The following PCDHGB3 variants were observed in gnomAD, a reference collection of about 807,000 sequenced individuals.
PCDHGB3 encodes the protein protocadherin gamma-B3.
In PCDHGB3, 40 loss-of-function variants were observed where a neutral mutation model predicts 59.2. The observed-to-expected ratio is 0.68, with a 90% CI of 0.52 to 0.88. The LOEUF (loss-of-function observed/expected upper bound fraction) is 0.88, where lower values mean the gene tolerates loss of function less well. Among genes scored for constraint, PCDHGB3 ranks in the 40% least tolerant of loss-of-function variants. The pLI, the probability that PCDHGB3 is intolerant of heterozygous loss-of-function variation, is 0.00. For missense variants in PCDHGB3, 1,309 were observed against 1,187.9 expected, an observed-to-expected ratio of 1.10 and a Z score of -1.50; for synonymous variants, 581 against 503.6, an observed-to-expected ratio of 1.15 and a Z score of -2.06.
intron 1 of PCDHGB3, among the ~76,000 whole-genome samples, chr5:141,406,762 A>C (rs942707558): frequency 2.0e-5 from 3 of 152,238 alleles, no homozygotes; most frequent in Non-Finnish European, 4.4e-5. Context: ...CAAGGAATTA[A>C]AAATATTTCT....
At chr5:141,403,261 G>A in intron 1 of PCDHGB3, 1 of 1,613,852 alleles carries the variant, frequency 6.2e-7, no homozygotes, top group East Asian at 2.2e-5. Flanking sequence ...CGCGGTGTCT[G>A]GTGAACTTTA....
chr5:141,374,563 T>G, intron 1 of PCDHGB3: 1 of 1,613,710 alleles, frequency 6.2e-7, no homozygotes, highest in South Asian at 1.1e-5. Context: ...TCTATGACCC[T>G]GATGTGGGAA....
chr5:141,503,377 A>G lies in PCDHGB3; in HGVS notation c.2475-2016A>G, dbSNP rs534841057. Among the ~76,000 whole-genome samples, 4 of 152,142 alleles carry G rather than the reference A, an allele frequency of 2.6e-5. No homozygotes were observed. In the East Asian group the frequency reaches 7.8e-4, roughly 30 times the overall value. The stretch of plus-strand genomic sequence containing the variant: ...TTTGGGAAGCGGAGGCAGGTGGATC[A>G]TGAGGTCAGGAGTTCGAAACCAACC... On this transcript the variant is annotated intron_variant, in intron 2 of 3. Coordinates refer to ENST00000576222, the MANE Select transcript of PCDHGB3 (RefSeq NM_018924.5).
chr5:141,423,264 C>T (rs1452323474), intron 1 of PCDHGB3: 6 of 1,613,868 alleles, frequency 3.7e-6, no homozygotes, highest in Non-Finnish European at 5.1e-6. Context: ...TCGGCAGCCT[C>T]GAGTCTCTGG....
At chr5:141,459,156 T>C (rs920698328) in intron 1 of PCDHGB3, among the ~76,000 whole-genome samples, 1 of 152,188 alleles carries the variant, frequency 6.6e-6, no homozygotes, top group Non-Finnish European at 1.5e-5. Flanking sequence ...ATATAGAACA[T>C]TTCTATAACC....
intron 1 of PCDHGB3, among the ~76,000 whole-genome samples, chr5:141,443,537 T>C (rs986467958): frequency 6.6e-6 from 1 of 152,180 alleles, no homozygotes; most frequent in African/African-American, 2.4e-5. Flanking sequence ...ATTTAAAGCT[T>C]GGGAAATTGT....
chr5:141,494,428 G>A (rs1476469017), intron 1 of PCDHGB3, among the ~76,000 whole-genome samples: 1 of 152,148 alleles, frequency 6.6e-6, no homozygotes, highest in African/African-American at 2.4e-5. Flanking sequence ...TCATTGAAAA[G>A]CCTCCTTTGC....
chr5:141,418,372 A>T (rs771262387), intron 1 of PCDHGB3: 25 of 1,613,968 alleles, frequency 1.5e-5, no homozygotes, highest in Non-Finnish European at 2.1e-5. Flanking sequence ...GCAAATACCA[A>T]CTAAGTCCTA....
intron 1 of PCDHGB3, among the ~76,000 whole-genome samples, chr5:141,435,232 G>A (rs1317217213): frequency 6.6e-6 from 1 of 152,062 alleles, no homozygotes; most frequent in Non-Finnish European, 1.5e-5. Context: ...TCAAAGTTCA[G>A]TAATTCTTTC....
At chr5:141,494,972 C>G in intron 2 of PCDHGB3, 107 bp downstream of exon 2, 1 of 1,581,852 alleles carries the variant, frequency 6.3e-7, no homozygotes, top group Non-Finnish European at 8.6e-7. Context: ...TGGCTTCTCC[C>G]TCAGTTTGAG....
At chr5:141,441,730 A>T in intron 1 of PCDHGB3, 1 of 362,750 alleles carries the variant, frequency 2.8e-6, no homozygotes, top group South Asian at 2.2e-5. Context: ...CGCGACCAGG[A>T]CTAGCTCGCG....
At chr5:141,386,994 AT>A (rs1291262145) in intron 1 of PCDHGB3, among the ~76,000 whole-genome samples, 1 of 152,224 alleles carries the variant, frequency 6.6e-6, no homozygotes, top group Non-Finnish European at 1.5e-5. Flanking sequence ...GCTATGTATT[AT>A]CCCCCTGATA....
At chr5:141,383,436 C>T in intron 1 of PCDHGB3, 1 of 1,613,968 alleles carries the variant, frequency 6.2e-7, no homozygotes, top group Non-Finnish European at 8.5e-7. Flanking sequence ...GCCACTTCTC[C>T]CTGGCTGTGC....
chr5:141,460,505 A>T (rs1430823912), intron 1 of PCDHGB3, among the ~76,000 whole-genome samples: 1 of 152,150 alleles, frequency 6.6e-6, no homozygotes, highest in Non-Finnish European at 1.5e-5. Context: ...ATATGCTGAG[A>T]AGGCTATCTT....
At position 141,485,129 on chromosome 5, in the gene PCDHGB3, T is replaced by G. The variant is rs761201450; in HGVS notation, c.2416-9678T>G. 2.1e-6 allele frequency: 3 copies of G among 1,462,964 alleles called. No individual in the cohort carries two copies. Among genetic ancestry groups the G allele is most frequent in the Non-Finnish European group, 2.8e-6 (3 of 1,053,766 alleles). 90.6% of individuals were successfully genotyped at this position (1,462,964 alleles called of 1,614,324 possible). A position where few individuals can be genotyped will look rare whatever the true frequency, so the allele number is the denominator to read the frequency against. On this transcript the variant is annotated intron_variant, in intron 1 of 3. Coordinates refer to ENST00000576222, the MANE Select transcript of PCDHGB3 (RefSeq NM_018924.5). The surrounding 1 kb of genome is among the most constrained non-coding windows in gnomAD (Gnocchi z 5.7). ...TGTGGCTGTTTGGGGCGGGTCGGCT[T>G]CATCCGCGTCTCAGGAGCAAGTAGA...
intron 1 of PCDHGB3, among the ~76,000 whole-genome samples, chr5:141,468,178 T>G (rs1033546956): frequency 1.3e-5 from 2 of 151,580 alleles, no homozygotes; most frequent in African/African-American, 4.8e-5. Context: ...TAGAAAAATT[T>G]GCTGGGCATG....
In PCDHGB3 at chr5:141,370,388, G is replaced by C. The variant is rs10052885; in HGVS notation, c.-7G>C. ...GGATTTAGAAAGGCAAAGGCGCAGA[G>C]AGCGGGATGGGAAATAGCTCCGGAT... On this transcript the variant is annotated 5_prime_UTR_variant, in exon 1 of 4. Coordinates refer to ENST00000576222, the MANE Select transcript of PCDHGB3 (RefSeq NM_018924.5). The C allele has an allele frequency of 1.3e-6, 2 of 1,542,252 alleles. No individual in the cohort carries two copies. Among genetic ancestry groups the C allele is most frequent in the South Asian group, 1.3e-5 (1 of 78,714 alleles).
chr5:141,446,917 C>G (rs979679080), intron 1 of PCDHGB3, among the ~76,000 whole-genome samples: 1 of 152,108 alleles, frequency 6.6e-6, no homozygotes, highest in South Asian at 2.1e-4. Flanking sequence ...TTTTATTTAT[C>G]TTCCTGATCT....
intron 1 of PCDHGB3, chr5:141,441,844 G>T: frequency 2.8e-6 from 1 of 355,710 alleles, no homozygotes. Context: ...CGCGCTCTTG[G>T]ATATGGTGCT....
Sources: allele counts gnomAD v4.1 joint callset (sites outside exome capture counted in the v4.1 genomes callset), GRCh38; gene constraint gnomAD v4.1.1; non-coding constraint Gnocchi (gnomAD v3.1); transcripts MANE v1.5; gene names NCBI Gene and HGNC (gene_info 2026-07-23, HGNC 2026-07-21).